Variants in MYOCD observed in about 807,000 individuals in gnomAD.
The protein encoded by MYOCD is myocardin.
MYOCD carries 32 observed loss-of-function variants against 96.1 expected under a neutral mutation model. That is an observed-to-expected ratio of 0.33 (90% CI 0.25 to 0.45). The LOEUF (loss-of-function observed/expected upper bound fraction) is 0.45. Among genes scored for constraint, MYOCD ranks in the 20% least tolerant of loss-of-function variants. The pLI is 1.00. For synonymous variants in MYOCD, 469 were observed against 469.0 expected, an observed-to-expected ratio of 1.00 and a Z score of 0.00; for missense variants, 1,133 against 1,200.6, an observed-to-expected ratio of 0.94 and a Z score of 0.83.
chr17:12,751,335 T>A (rs2032847556), intron 9 of MYOCD, among the ~76,000 whole-genome samples: 1 of 151,822 alleles, frequency 6.6e-6, no homozygotes, highest in African/African-American at 2.4e-5. Flanking sequence ...AGAAAAATAG[T>A]CAATTCAAAC....
intron 1 of MYOCD, among the ~76,000 whole-genome samples, chr17:12,687,861 A>T (rs959693823): frequency 6.6e-6 from 1 of 152,236 alleles, no homozygotes; most frequent in Non-Finnish European, 1.5e-5. Flanking sequence ...TCACATTTGA[A>T]TAATACGATG....
At chr17:12,749,156 A>G (rs542022827) in intron 9 of MYOCD, among the ~76,000 whole-genome samples, 1 of 152,288 alleles carries the variant, frequency 6.6e-6, no homozygotes, top group East Asian at 1.9e-4. Context: ...TTTATTTTTA[A>G]TAGCAGCATA....
chr17:12,683,727 T>C (rs1347038861), intron 1 of MYOCD, among the ~76,000 whole-genome samples: 1 of 152,198 alleles, frequency 6.6e-6, no homozygotes, highest in Non-Finnish European at 1.5e-5. Context: ...ATGAAGCTCC[T>C]GGCATGACAC....
At chr17:12,709,760 C>T (rs1402407181) in intron 2 of MYOCD, among the ~76,000 whole-genome samples, 1 of 152,140 alleles carries the variant, frequency 6.6e-6, no homozygotes, top group Non-Finnish European at 1.5e-5. Flanking sequence ...TCAAGGTTCT[C>T]TACATTCTCG....
intron 7 of MYOCD, among the ~76,000 whole-genome samples, chr17:12,743,173 A>C (rs1420442505): frequency 1.3e-5 from 2 of 152,142 alleles, no homozygotes; most frequent in African/African-American, 2.4e-5. Context: ...GTGTGTCCAA[A>C]TCATGCAATA....
intron 13 of MYOCD, chr17:12,761,027 C>T (rs1460187978): frequency 4.1e-6 from 1 of 241,972 alleles, no homozygotes; most frequent in African/African-American, 2.2e-5. Context: ...TCTCAATGCC[C>T]CTACCTTCTC....
Position 12,752,808 on chromosome 17 carries a change from C to G in MYOCD, c.1520C>G (p.Pro507Arg), listed in dbSNP as rs756612575. ...LMSSLNGGSVPSELDGLDSEK... is the reference protein window; with the variant it reads ...LMSSLNGGSVRSELDGLDSEK... Reference sequence around the variant, plus strand: ...AGCAGCCTGAATGGGGGCTCTGTTCCTTCTGAGCTGGATGGGCTGGACTCC... The same window carrying G: ...AGCAGCCTGAATGGGGGCTCTGTTCGTTCTGAGCTGGATGGGCTGGACTCC... Residue 507 changes from proline to arginine, a missense_variant, in exon 10 of 14, where the codon CCT (proline) becomes CGT (arginine). Pro to Arg is a moderately radical substitution (Grantham distance 103). Transcript: ENST00000425538. 1.2e-6 allele frequency: 2 copies of G among 1,613,902 alleles called. No individual in the cohort carries two copies. The highest frequency in any genetic ancestry group is 2.7e-5 in the African/African-American group (2 of 74,874).
rs1376359408 is a variant in MYOCD, at chr17:12,766,287, C to T, written c.*2643C>T. ...GAGAGACTAGACCTAGTTAGGAGGC[C>T]TCTGTACTTCTCCAGATTGTACCTT... On this transcript the variant is annotated 3_prime_UTR_variant, in exon 14 of 14. Coordinates refer to ENST00000425538, the MANE Select transcript of MYOCD (RefSeq NM_001146312.3). The T allele has an allele frequency of 1.3e-5, 2 of 152,192 alleles. No homozygotes were observed. The highest frequency in any genetic ancestry group is 2.9e-5 in the Non-Finnish European group (2 of 68,052). 9.4% of individuals were successfully genotyped at this position (152,192 alleles called of 1,614,324 possible).
Position 12,756,490 on chromosome 17 carries a change from C to G in MYOCD, c.2135C>G (p.Ala712Gly). 6.4e-7 allele frequency: 1 copy of G among 1,551,868 alleles called. No homozygotes were observed. Among genetic ancestry groups the G allele is most frequent in the Non-Finnish European group, 8.7e-7 (1 of 1,147,072 alleles). ...SSSLHPPFSG[A>G]QADSSHGAGG... ...AGCCTCCACCCGCCCTTCTCTGGAG[C>G]CCAAGCAGACAGCAGTCATGGTGCC... The change falls in exon 11 of 14, where the codon GCC (alanine) becomes GGC (glycine). Residue 712 changes from alanine to glycine, a missense_variant. By Grantham distance (60) the Ala-to-Gly change is moderately conservative. Transcript: ENST00000425538.
At chr17:12,723,439 A>C (rs760192664) in intron 5 of MYOCD, among the ~76,000 whole-genome samples, 15 of 152,148 alleles carry the variant, frequency 9.9e-5, no homozygotes, top group Non-Finnish European at 2.1e-4. Flanking sequence ...TCACCTTGAG[A>C]TGGAGGTGAC....
chr17:12,715,470 C>T (rs2031610837), intron 2 of MYOCD, 49 bp from the exon 3 acceptor site: 1 of 1,548,882 alleles, frequency 6.5e-7, no homozygotes, highest in Non-Finnish European at 8.9e-7. Flanking sequence ...CGATACAGAC[C>T]AATGCCCTTA....
At chr17:12,691,559 A>C (rs2030448095) in intron 1 of MYOCD, among the ~76,000 whole-genome samples, 1 of 152,172 alleles carries the variant, frequency 6.6e-6, no homozygotes, top group Non-Finnish European at 1.5e-5. Flanking sequence ...TTCTGAGCTG[A>C]GCATCCCTTA....
At chr17:12,693,698 C>A (rs2030597459) in intron 1 of MYOCD, among the ~76,000 whole-genome samples, 1 of 144,232 alleles carries the variant, frequency 6.9e-6, no homozygotes, top group Non-Finnish European at 1.6e-5. Flanking sequence ...TGCTCCCTAC[C>A]AGACATGAAA....
chr17:12,676,796 C>T (rs899901799), intron 1 of MYOCD, among the ~76,000 whole-genome samples: 1 of 152,118 alleles, frequency 6.6e-6, no homozygotes, highest in African/African-American at 2.4e-5. Context: ...ATAGGTATGC[C>T]ATCTGGCTGA....
rs1300405771 is a variant in MYOCD at position 12,763,275 on chromosome 17, C to A, written c.2592C>A (p.Pro864=). 1.2e-6 allele frequency: 2 copies of A among 1,613,426 alleles called. No homozygotes were observed. Among genetic ancestry groups the A allele is most frequent in the South Asian group, 2.2e-5 (2 of 90,974 alleles). ...AAGTCTTATTAAATTCCCAGAGCCC[C>A]CTAGGAAAGATGAGTGATGTCACCC... ...HLEVLLNSQS[P]LGKMSDVTLL... Residue 864 remains proline, a synonymous_variant, in exon 14 of 14, where the codon CCC becomes CCA. Transcript: ENST00000425538.
At chr17:12,697,634 G>A (rs925387984) in intron 1 of MYOCD, among the ~76,000 whole-genome samples, 1 of 151,848 alleles carries the variant, frequency 6.6e-6, no homozygotes, top group Admixed American at 6.6e-5. Flanking sequence ...TTACAGGCTT[G>A]AGCCACTGCC....
chr17:12,742,861 C>T lies in MYOCD; in HGVS notation c.718-1322C>T, dbSNP rs112250086. On this transcript the variant is annotated intron_variant, in intron 7 of 13. Transcript: ENST00000425538. ...TGCTGGGATTACAGGCATGAGCCACCGCGCCCGGCCTGAAAATTACTTTTT... is the reference window on the plus strand; with the variant it reads ...TGCTGGGATTACAGGCATGAGCCACTGCGCCCGGCCTGAAAATTACTTTTT... Among the ~76,000 whole-genome samples the T allele has an allele frequency of 3.3e-5, 5 of 152,168 alleles. No homozygotes were observed. The South Asian group carries it at 1.0e-3, about 32-fold the overall frequency.
intron 1 of MYOCD, among the ~76,000 whole-genome samples, chr17:12,692,189 G>A (rs2030484336): frequency 6.6e-6 from 1 of 152,184 alleles, no homozygotes; most frequent in Non-Finnish European, 1.5e-5. Context: ...CCTCTTCTAA[G>A]GGACCATCAC....
intron 5 of MYOCD, among the ~76,000 whole-genome samples, chr17:12,735,787 C>T (rs907937192): frequency 1.6e-4 from 25 of 152,172 alleles, no homozygotes; most frequent in Admixed American, 1.4e-3. Context: ...CCGAGGGACA[C>T]GGGCGCATGC....
Sources: allele counts gnomAD v4.1 joint callset (sites outside exome capture counted in the v4.1 genomes callset), GRCh38; gene constraint gnomAD v4.1.1; transcripts MANE v1.5; gene names NCBI Gene and HGNC (gene_info 2026-07-23, HGNC 2026-07-21).